The following RASA3 variants were observed in gnomAD, a reference collection of about 807,000 sequenced individuals.
RASA3 encodes the protein ras GTPase-activating protein 3.
Under a neutral mutation model 110.0 loss-of-function variants are expected in RASA3, and 73 were observed. The observed-to-expected ratio is 0.66, with a 90% CI of 0.55 to 0.81. The LOEUF (loss-of-function observed/expected upper bound fraction) is 0.81. Among genes scored for constraint, RASA3 ranks in the 30% least tolerant of loss-of-function variants. The probability of loss-of-function intolerance (pLI) is 0.00; values close to 1 mark genes in which losing one functional copy is unlikely to be tolerated. For missense variants in RASA3, 976 were observed against 1,113.2 expected (o/e 0.88, Z 1.75); for synonymous variants, 500 against 451.4 (o/e 1.11, Z -1.37).
intron 22 of RASA3, among the ~76,000 whole-genome samples, chr13:113,990,700 CAT>C (rs2053088074): frequency 1.3e-5 from 2 of 152,190 alleles, no homozygotes; most frequent in South Asian, 2.1e-4. Context: ...TGAGTGTGTA[CAT>C]GTGTGGTTGT....
At chr13:114,028,089 C>T (rs1320710949) in intron 5 of RASA3, among the ~76,000 whole-genome samples, 162 bp from the exon 6 acceptor site, 3 of 152,180 alleles carry the variant, frequency 2.0e-5, no homozygotes, top group South Asian at 4.1e-4. Flanking sequence ...CTCGGTGTGA[C>T]GCTGAATCAC....
In RASA3 at chr13:114,045,108, A is replaced by T. The variant is rs536838879; in HGVS notation, c.278-4014T>A. Among the ~76,000 whole-genome samples the T allele has an allele frequency of 5.9e-5, 9 of 152,332 alleles. 1 individual carries two copies. The highest frequency in any genetic ancestry group is 3.4e-3 in the Middle Eastern group (1 of 294). On this transcript the variant is annotated intron_variant, in intron 3 of 23. Transcript: ENST00000334062. ...CCCCCAACCTTTCCTTCTAGAAGCC[A>T]GCCACATTCAACAATGGGGACCGTG...
intron 22 of RASA3, among the ~76,000 whole-genome samples, chr13:113,990,069 C>T (rs2053072143): frequency 1.3e-5 from 2 of 151,986 alleles, no homozygotes; most frequent in Non-Finnish European, 1.5e-5. Flanking sequence ...TGTGTGGCAT[C>T]TACCCCCATC....
Position 114,016,288 on chromosome 13 carries a change from G to A in RASA3, c.1207-17C>T, listed in dbSNP as rs979297579. On this transcript the variant is annotated splice_polypyrimidine_tract_variant and intron_variant, in intron 12 of 23. Transcript: ENST00000334062. ...CTGGCATATCTGGGGAGAGGTTTAA[G>A]ACAGGGCTCTGTGAGTGGGTTCTGG... 16 of 1,555,432 alleles carry A rather than the reference G, an allele frequency of 1.0e-5. No homozygotes were observed. In the Middle Eastern group the frequency reaches 5.0e-4, roughly 49 times the overall value.
intron 18 of RASA3, among the ~76,000 whole-genome samples, chr13:114,001,784 C>A (rs1194395160): frequency 1.3e-5 from 2 of 151,912 alleles, no homozygotes; most frequent in African/African-American, 4.8e-5. Flanking sequence ...AGGCTTGGGG[C>A]CGGGGCAGGC....
At chr13:114,122,320 A>G (rs770328212) in intron 1 of RASA3, among the ~76,000 whole-genome samples, 21 of 152,338 alleles carry the variant, frequency 1.4e-4, no homozygotes, top group Admixed American at 9.8e-4. Context: ...CTGTTGGAGC[A>G]TCCCACCCGG....
At chr13:114,025,058 AC>A in intron 7 of RASA3, among the ~76,000 whole-genome samples, 1 of 151,436 alleles carries the variant, frequency 6.6e-6, no homozygotes, top group Admixed American at 6.6e-5. Context: ...CGATTTAACC[AC>A]CATCAGCCGT....
intron 12 of RASA3, 75 bp downstream of exon 12, chr13:114,017,162 C>G (rs1233956665): frequency 2.2e-6 from 3 of 1,348,262 alleles, no homozygotes; most frequent in African/African-American, 2.9e-5. Context: ...TGGCTGGATC[C>G]CAGTGCAGTG....
At position 114,011,241 on chromosome 13, in the gene RASA3, T is replaced by G. The variant is rs1248069300; in HGVS notation, c.1520A>C (p.Gln507Pro). 18 of 1,612,064 alleles carry G rather than the reference T, an allele frequency of 1.1e-5. No homozygotes were observed. The highest frequency in any genetic ancestry group is 2.2e-5 in the East Asian group (1 of 44,852). ...GATCAATGTCAGCGTCCTGGACGTCTGGGGGTCCTGGGGAGGCGGGAGCAA... is the reference window on the plus strand; with the variant it reads ...GATCAATGTCAGCGTCCTGGACGTCGGGGGGTCCTGGGGAGGCGGGAGCAA... Reference protein sequence around the residue: ...FQLTPHHTDPQTSRTLTLISK... With the variant: ...FQLTPHHTDPPTSRTLTLISK... Residue 507 changes from glutamine (Q) to proline (P), a missense_variant, in exon 16 of 24, where the codon CAG becomes CCG. By Grantham distance (76) the Gln-to-Pro change is moderately conservative (BLOSUM62 -1). Coordinates refer to ENST00000334062, the MANE Select transcript of RASA3 (RefSeq NM_007368.4). The surrounding 1 kb of genome is among the most constrained non-coding windows in gnomAD (Gnocchi z 4.8).
chr13:113,997,049 A>C (rs1243500145), intron 20 of RASA3, among the ~76,000 whole-genome samples: 1 of 152,138 alleles, frequency 6.6e-6, no homozygotes, highest in African/African-American at 2.4e-5. Context: ...GGAGCCTTGG[A>C]GGTCTCCATT....
intron 18 of RASA3, among the ~76,000 whole-genome samples, chr13:114,004,003 T>C (rs2053459816): frequency 6.6e-6 from 1 of 152,258 alleles, no homozygotes; most frequent in Non-Finnish European, 1.5e-5. Flanking sequence ...TGCTAATTTT[T>C]CCTTATGGCA....
At chr13:114,009,752 G>A (rs1368995203) in intron 16 of RASA3, among the ~76,000 whole-genome samples, 1 of 152,208 alleles carries the variant, frequency 6.6e-6, no homozygotes, top group East Asian at 1.9e-4. Flanking sequence ...TCACACCTGG[G>A]TCCCAGGCTC....
intron 17 of RASA3, among the ~76,000 whole-genome samples, 165 bp from the exon 18 acceptor site, chr13:114,007,771 C>T (rs1398646453): frequency 1.3e-5 from 2 of 152,220 alleles, no homozygotes; most frequent in Non-Finnish European, 2.9e-5. Flanking sequence ...CCTCTGCTCC[C>T]CACTGTGCCA....
intron 20 of RASA3, 60 bp from the exon 21 acceptor site, chr13:113,996,799 A>C: frequency 6.9e-7 from 1 of 1,450,838 alleles, no homozygotes; most frequent in Non-Finnish European, 9.6e-7. Context: ...AGCACGTGCA[A>C]GAGTCCACCA....
chr13:114,005,344 G>A (rs1437744706), intron 18 of RASA3, among the ~76,000 whole-genome samples: 2 of 152,244 alleles, frequency 1.3e-5, no homozygotes, highest in African/African-American at 4.8e-5. Context: ...GTGGAAACGG[G>A]CAGACGTGTC....
At chr13:114,034,463 T>A (rs1463547158) in intron 4 of RASA3, among the ~76,000 whole-genome samples, 1 of 152,158 alleles carries the variant, frequency 6.6e-6, no homozygotes, top group African/African-American at 2.4e-5. Context: ...GGCCCCCGTG[T>A]GCTCTCCCGG....
chr13:114,064,162 A>G (rs2079407273), intron 2 of RASA3, among the ~76,000 whole-genome samples: 1 of 152,166 alleles, frequency 6.6e-6, no homozygotes, highest in African/African-American at 2.4e-5. Context: ...TGATCAGCCA[A>G]CTCTGAAATG....
intron 8 of RASA3, among the ~76,000 whole-genome samples, chr13:114,023,885 T>C (rs1478054568): frequency 2.6e-5 from 4 of 152,156 alleles, no homozygotes; most frequent in Non-Finnish European, 5.9e-5. Context: ...GTTTCAGCAG[T>C]GCCAGTGGGT....
chr13:113,979,132 G>C lies in RASA3; in HGVS notation c.*215C>G. On this transcript the variant is annotated 3_prime_UTR_variant, in exon 24 of 24. Transcript: ENST00000334062. ...AGCAAAAAGCACAGAATCAAATGAC[G>C]ACACGTTCCACAGGGCCAGGTGGGC... 1 of 577,010 alleles carries C rather than the reference G, an allele frequency of 1.7e-6. No individual in the cohort carries two copies. The highest frequency in any genetic ancestry group is 2.1e-5 in the South Asian group (1 of 48,154). The allele number at this position is 577,010 out of a possible 1,614,324, so 35.7% of individuals were successfully genotyped here. A position where few individuals can be genotyped will look rare whatever the true frequency, so the allele number is the denominator to read the frequency against.
Sources: gnomAD v4.1 joint callset for allele counts (sites outside exome capture counted in the v4.1 genomes callset) on GRCh38, gnomAD v4.1.1 for gene constraint, Gnocchi (gnomAD v3.1) non-coding constraint, MANE v1.5 for transcripts, NCBI Gene and HGNC (gene_info 2026-07-23, HGNC 2026-07-21) for gene names.